KCNN3: variants seen among roughly 807,000 people sequenced by gnomAD.
KCNN3 encodes small conductance calcium-activated potassium channel protein 3.
Under a neutral mutation model 62.9 loss-of-function variants are expected in KCNN3, and 16 were observed. That is an observed-to-expected ratio of 0.25 (90% CI 0.17 to 0.39). KCNN3 has a LOEUF of 0.39. Among genes scored for constraint, KCNN3 ranks in the 10% least tolerant of loss-of-function variants. The pLI is 1.00. For synonymous variants in KCNN3, 370 were observed against 389.2 expected, an observed-to-expected ratio of 0.95 and a Z score of 0.58; for missense variants, 599 against 949.4, an observed-to-expected ratio of 0.63 and a Z score of 4.85.
intron 5 of KCNN3, among the ~76,000 whole-genome samples, chr1:154,725,544 T>TC (rs1158935491): frequency 7.1e-6 from 1 of 141,544 alleles, no homozygotes; most frequent in Non-Finnish European, 1.5e-5. Context: ...CTTCCTTCCT[T>TC]CTTTTTTTTT....
At chr1:154,834,463 G>A (rs1039892585) in intron 1 of KCNN3, among the ~76,000 whole-genome samples, 54 of 152,350 alleles carry the variant, frequency 3.5e-4, no homozygotes, top group African/African-American at 1.2e-3. Context: ...ATTCCTCCAT[G>A]TGGTTATTTC....
intron 5 of KCNN3, among the ~76,000 whole-genome samples, chr1:154,725,048 G>A (rs1181986284): frequency 6.6e-6 from 1 of 152,000 alleles, no homozygotes; most frequent in Non-Finnish European, 1.5e-5. Flanking sequence ...GTAGAGACGG[G>A]GTTTCACATG....
Position 154,701,460 on chromosome 1 carries a change from T to C in KCNN3, c.*6516A>G, listed in dbSNP as rs369151015. 1 of 152,220 alleles carries C rather than the reference T, an allele frequency of 6.6e-6. No homozygotes were observed. The highest frequency in any genetic ancestry group is 1.5e-5 in the Non-Finnish European group (1 of 68,028). 9.4% of individuals were successfully genotyped at this position (152,220 alleles called of 1,614,324 possible). On this transcript the variant is annotated 3_prime_UTR_variant, in exon 8 of 8. Transcript: ENST00000271915. ...CTGTTTTCATCTAGAAGTAGTGCCT[T>C]AGCCATATGAAGGAGGGAACTGAGA...
At chr1:154,863,241 C>T (rs1652831682) in intron 1 of KCNN3, among the ~76,000 whole-genome samples, 1 of 152,094 alleles carries the variant, frequency 6.6e-6, no homozygotes. Context: ...GGGGAGGGGG[C>T]ACTTAAAAAC....
At chr1:154,813,313 C>T (rs1258465710) in intron 2 of KCNN3, among the ~76,000 whole-genome samples, 1 of 149,538 alleles carries the variant, frequency 6.7e-6, no homozygotes, top group Non-Finnish European at 1.5e-5. Context: ...TCCTGAGAAG[C>T]GTGTCCACGG....
intron 3 of KCNN3, among the ~76,000 whole-genome samples, chr1:154,755,066 A>G (rs60314473): frequency 0.027 from 4,173 of 152,278 alleles, 196 homozygotes; most frequent in African/African-American, 0.096. Context: ...GGCCTGCTGC[A>G]GTAGCCTTTT....
At chr1:154,832,362 C>A (rs1651409626) in intron 1 of KCNN3, among the ~76,000 whole-genome samples, 1 of 151,972 alleles carries the variant, frequency 6.6e-6, no homozygotes, top group African/African-American at 2.4e-5. Flanking sequence ...TGACACCATA[C>A]CTTTATCTCA....
intron 7 of KCNN3, among the ~76,000 whole-genome samples, chr1:154,710,697 C>T (rs1439076394): frequency 6.6e-6 from 1 of 152,198 alleles, no homozygotes; most frequent in Non-Finnish European, 1.5e-5. Flanking sequence ...TGAACAGACA[C>T]TTCTCAAAAG....
At chr1:154,723,844 A>G (rs1571212925) in intron 5 of KCNN3, among the ~76,000 whole-genome samples, 1 of 152,224 alleles carries the variant, frequency 6.6e-6, no homozygotes, top group East Asian at 1.9e-4. Context: ...GTGGATTTGC[A>G]TTTAGGTGTT....
intron 5 of KCNN3, 41 bp downstream of exon 5, chr1:154,725,875 G>T: frequency 6.7e-7 from 1 of 1,487,654 alleles, no homozygotes; most frequent in Non-Finnish European, 9.4e-7. Context: ...TTCCACTGTG[G>T]CCTTAAGTCC....
intron 2 of KCNN3, among the ~76,000 whole-genome samples, chr1:154,780,191 T>A (rs895225256): frequency 1.5e-5 from 2 of 131,530 alleles, no homozygotes; most frequent in South Asian, 2.3e-4. Flanking sequence ...TTTTTCTTTT[T>A]TTCTTTTTTT....
chr1:154,728,173 C>T (rs6662748), intron 4 of KCNN3, among the ~76,000 whole-genome samples: 111,374 of 152,096 alleles, frequency 0.73, 41,018 homozygotes, highest in South Asian at 0.82. Context: ...CACATTTTAG[C>T]TGGCTGATTG....
At chr1:154,758,432 T>G (rs1476167911) in intron 3 of KCNN3, among the ~76,000 whole-genome samples, 3 of 152,196 alleles carry the variant, frequency 2.0e-5, no homozygotes, top group Non-Finnish European at 2.9e-5. Flanking sequence ...CCCCCTCTAT[T>G]GTGGGAGTGT....
chr1:154,817,805 C>T (rs534224850), intron 2 of KCNN3, among the ~76,000 whole-genome samples: 1 of 152,300 alleles, frequency 6.6e-6, no homozygotes, highest in African/African-American at 2.4e-5. Flanking sequence ...GAACTGGGCT[C>T]CTGTCCTGGG....
At chr1:154,715,614 CTTCT>C (rs1320035076) in intron 5 of KCNN3, among the ~76,000 whole-genome samples, 1 of 145,568 alleles carries the variant, frequency 6.9e-6, no homozygotes, top group African/African-American at 2.5e-5. Context: ...TCCTTCCTTC[CTTCT>C]TTCTTTCTTC....
intron 2 of KCNN3, among the ~76,000 whole-genome samples, chr1:154,780,519 A>T (rs1392555327): frequency 6.7e-6 from 1 of 149,388 alleles, no homozygotes; most frequent in Non-Finnish European, 1.5e-5. Context: ...CATTTAAAAA[A>T]ACGACACAGA....
At chr1:154,759,931 G>A (rs1047855458) in intron 3 of KCNN3, among the ~76,000 whole-genome samples, 1 of 152,032 alleles carries the variant, frequency 6.6e-6, no homozygotes, top group African/African-American at 2.4e-5. Flanking sequence ...CAAATTTTAT[G>A]GAAATTTTCC....
chr1:154,847,980 T>C (rs1652145965), intron 1 of KCNN3, among the ~76,000 whole-genome samples: 1 of 152,168 alleles, frequency 6.6e-6, no homozygotes, highest in Admixed American at 6.5e-5. Context: ...AGCACGCTGC[T>C]GCTGTCCTCC....
intron 3 of KCNN3, among the ~76,000 whole-genome samples, chr1:154,770,619 T>G (rs985076437): frequency 6.6e-6 from 1 of 152,206 alleles, no homozygotes; most frequent in Non-Finnish European, 1.5e-5. Flanking sequence ...CATAGCTTCA[T>G]TCTATCTCAA....
Sources: allele counts gnomAD v4.1 joint callset (sites outside exome capture counted in the v4.1 genomes callset), GRCh38; gene constraint gnomAD v4.1.1; transcripts MANE v1.5; gene names NCBI Gene and HGNC (gene_info 2026-07-23, HGNC 2026-07-21).